Variants in PTPN4 observed in about 807,000 individuals in gnomAD.
PTPN4 encodes tyrosine-protein phosphatase non-receptor type 4.
Under a neutral mutation model 135.5 loss-of-function variants are expected in PTPN4, and 49 were observed. The ratio of observed to expected loss-of-function variants is 0.36; its 90% CI spans 0.29 to 0.46. The LOEUF (loss-of-function observed/expected upper bound fraction) is 0.46. Among genes scored for constraint, PTPN4 ranks in the 20% least tolerant of loss-of-function variants. The pLI is 1.00. For synonymous variants in PTPN4, 333 were observed against 369.9 expected, an observed-to-expected ratio of 0.90 and a Z score of 1.14; for missense variants, 860 against 1,101.0, an observed-to-expected ratio of 0.78 and a Z score of 3.10.
intron 10 of PTPN4, among the ~76,000 whole-genome samples, chr2:119,909,506 A>G (rs1433645449): frequency 1.3e-5 from 2 of 152,154 alleles, no homozygotes; most frequent in Non-Finnish European, 1.5e-5. Flanking sequence ...CTTGCCACCC[A>G]TGAGCTCTGT....
chr2:119,869,441 C>T (rs1677878070), intron 3 of PTPN4, among the ~76,000 whole-genome samples: 1 of 152,188 alleles, frequency 6.6e-6, no homozygotes, highest in South Asian at 2.1e-4. Context: ...CTTAAAGGTT[C>T]AAACTCCTCT....
intron 16 of PTPN4, 123 bp downstream of exon 16, chr2:119,945,363 A>G (rs1679117451): frequency 1.2e-6 from 1 of 859,758 alleles, no homozygotes; most frequent in Non-Finnish European, 1.7e-6. Context: ...CTTTTTCATC[A>G]TATTCTTTGG....
chr2:119,918,676 C>T (rs1678693792), intron 11 of PTPN4, among the ~76,000 whole-genome samples: 1 of 152,094 alleles, frequency 6.6e-6, no homozygotes, highest in Admixed American at 6.5e-5. Flanking sequence ...TATTGATCTA[C>T]CCATTTTGGA....
At chr2:119,944,828 A>C (rs900974309) in intron 15 of PTPN4, among the ~76,000 whole-genome samples, 1 of 152,136 alleles carries the variant, frequency 6.6e-6, no homozygotes, top group African/African-American at 2.4e-5. Context: ...ACTTTGTTAT[A>C]ATAGATTAAT....
intron 3 of PTPN4, among the ~76,000 whole-genome samples, chr2:119,870,585 T>C (rs1677895979): frequency 6.6e-6 from 1 of 152,178 alleles, no homozygotes; most frequent in Admixed American, 6.5e-5. Context: ...AAATGGAATA[T>C]GATGACATAG....
At chr2:119,909,870 CTAT>C (rs1185201721) in intron 10 of PTPN4, among the ~76,000 whole-genome samples, 1 of 151,986 alleles carries the variant, frequency 6.6e-6, no homozygotes, top group Non-Finnish European at 1.5e-5. Context: ...AACAAGAGAA[CTAT>C]TATTAAAAGT....
At chr2:119,921,117 C>A (rs911442354) in intron 12 of PTPN4, among the ~76,000 whole-genome samples, 7 of 151,870 alleles carry the variant, frequency 4.6e-5, no homozygotes, top group South Asian at 2.1e-4. Flanking sequence ...CCCGTCTCTA[C>A]CAAAAACAAA....
chr2:119,840,600 A>G (rs983252017), intron 2 of PTPN4, among the ~76,000 whole-genome samples: 23 of 152,190 alleles, frequency 1.5e-4, no homozygotes, highest in African/African-American at 5.1e-4. Context: ...TTGGGTATGT[A>G]CCCAGTAATG....
At chr2:119,919,334 CTTTA>C (rs931932825) in intron 11 of PTPN4, among the ~76,000 whole-genome samples, 6 of 152,048 alleles carry the variant, frequency 3.9e-5, no homozygotes, top group African/African-American at 1.4e-4. Flanking sequence ...GCTGAATGTT[CTTTA>C]TTTACAATCT....
rs556065357 is a variant in PTPN4, at chr2:119,946,333, T to C, written c.1516-8T>C. The C allele has an allele frequency of 3.8e-6, 6 of 1,573,366 alleles. No homozygotes were observed. In the South Asian group the frequency reaches 6.0e-5, roughly 16 times the overall value. On this transcript the variant is annotated splice_region_variant and splice_polypyrimidine_tract_variant and intron_variant, in intron 16 of 26. Transcript: ENST00000263708. ...AAATTACAAGTTATTTAATTTTGTCTTTTTAAGCCTAATGGTGGTATTCCA... is the reference window on the plus strand; with the variant it reads ...AAATTACAAGTTATTTAATTTTGTCCTTTTAAGCCTAATGGTGGTATTCCA...
chr2:119,944,046 T>G (rs1341917534), intron 15 of PTPN4, among the ~76,000 whole-genome samples: 2 of 152,146 alleles, frequency 1.3e-5, no homozygotes, highest in East Asian at 1.9e-4. Context: ...ACATTTTCCT[T>G]ATCTCCAGAC....
At chr2:119,772,776 T>A (rs1690758467) in intron 1 of PTPN4, among the ~76,000 whole-genome samples, 1 of 152,156 alleles carries the variant, frequency 6.6e-6, no homozygotes, top group Non-Finnish European at 1.5e-5. Context: ...TGACCTCAAG[T>A]GATCCACCTG....
chr2:119,860,477 A>G (rs759509202), intron 2 of PTPN4, among the ~76,000 whole-genome samples: 34 of 152,226 alleles, frequency 2.2e-4, no homozygotes, highest in Admixed American at 3.3e-4. Context: ...TGCAGATGAG[A>G]AAGATGGAAA....
At chr2:119,904,739 A>G (rs539767073) in intron 10 of PTPN4, among the ~76,000 whole-genome samples, 1 of 152,246 alleles carries the variant, frequency 6.6e-6, no homozygotes, top group Non-Finnish European at 1.5e-5. Context: ...ATATGGTGGT[A>G]TATTCAAACT....
intron 12 of PTPN4, among the ~76,000 whole-genome samples, chr2:119,925,295 G>C (rs1678805583): frequency 6.6e-6 from 1 of 152,108 alleles, no homozygotes; most frequent in Non-Finnish European, 1.5e-5. Context: ...AAATAATCTA[G>C]AAAATGGAAT....
At chr2:119,961,077 CTT>C in intron 23 of PTPN4, 124 bp downstream of exon 23, 1 of 1,206,060 alleles carries the variant, frequency 8.3e-7, no homozygotes, top group South Asian at 1.7e-5. Flanking sequence ...CTTGTGGTTT[CTT>C]GTTTTAAATC....
At position 119,976,920 on chromosome 2, in the gene PTPN4, G is replaced by C. The variant is rs755129546; in HGVS notation, c.2695-64G>C. ...CCAAGTGAGATGTTTGTCTTTTTTG[G>C]GGGGAGAGGGGACGGTTTTCTGACT... On this transcript the variant is annotated intron_variant, in intron 26 of 26. Coordinates refer to ENST00000263708, the MANE Select transcript of PTPN4 (RefSeq NM_002830.4). 42 of 1,549,748 alleles carry C rather than the reference G, an allele frequency of 2.7e-5. No individual in the cohort carries two copies. The East Asian group carries it at 3.7e-4, about 14-fold the overall frequency.
intron 2 of PTPN4, among the ~76,000 whole-genome samples, chr2:119,847,440 G>A (rs1342740521): frequency 1.3e-5 from 2 of 150,706 alleles, no homozygotes; most frequent in Non-Finnish European, 2.9e-5. Flanking sequence ...TGATTTTCCT[G>A]CCTCAGCCTC....
At chr2:119,787,789 A>G (rs1691072607) in intron 1 of PTPN4, among the ~76,000 whole-genome samples, 1 of 152,198 alleles carries the variant, frequency 6.6e-6, no homozygotes, top group Non-Finnish European at 1.5e-5. Flanking sequence ...CTCTCTTTAC[A>G]CACTATATAT....
Sources: allele counts gnomAD v4.1 joint callset (sites outside exome capture counted in the v4.1 genomes callset), GRCh38; gene constraint gnomAD v4.1.1; transcripts MANE v1.5; gene names NCBI Gene and HGNC (gene_info 2026-07-23, HGNC 2026-07-21).